Variants in PDE3B observed in about 807,000 individuals in gnomAD.
PDE3B encodes the protein cGMP-inhibited 3',5'-cyclic phosphodiesterase 3B.
PDE3B carries 66 observed loss-of-function variants against 116.8 expected under a neutral mutation model. The observed-to-expected ratio is 0.56, with a 90% CI of 0.46 to 0.69. PDE3B has a LOEUF of 0.69. Ranked by LOEUF, PDE3B falls within the 30% of genes least tolerant of loss-of-function variation. The probability of loss-of-function intolerance (pLI) is 0.00; values close to 1 mark genes in which losing one functional copy is unlikely to be tolerated. For missense variants in PDE3B, 1,384 were observed against 1,368.1 expected (o/e 1.01, Z -0.18); for synonymous variants, 595 against 533.6 (o/e 1.12, Z -1.59).
chr11:14,666,925 CATT>C (rs1405372643), intron 1 of PDE3B, among the ~76,000 whole-genome samples: 1 of 151,980 alleles, frequency 6.6e-6, no homozygotes, highest in Non-Finnish European at 1.5e-5. Context: ...CCAGCCATCC[CATT>C]ACTGGGTATA....
chr11:14,670,600 T>C (rs1854334039), intron 1 of PDE3B, among the ~76,000 whole-genome samples: 1 of 152,100 alleles, frequency 6.6e-6, no homozygotes, highest in Non-Finnish European at 1.5e-5. Flanking sequence ...ATGATTTACA[T>C]ACCAAGGGAA....
chr11:14,837,785 A>C (rs1473214139), intron 11 of PDE3B, among the ~76,000 whole-genome samples: 1 of 152,182 alleles, frequency 6.6e-6, no homozygotes, highest in African/African-American at 2.4e-5. Flanking sequence ...TTGGGAAACC[A>C]AATAGCTATT....
intron 1 of PDE3B, among the ~76,000 whole-genome samples, chr11:14,648,961 G>A (rs1853489905): frequency 1.3e-5 from 2 of 152,046 alleles, no homozygotes; most frequent in Admixed American, 1.3e-4. Context: ...TCAAATTTAT[G>A]TATAAGCTGA....
At chr11:14,891,512 C>T in the PDE3B span, 1 of 995,018 alleles carries the variant, frequency 1.0e-6, no homozygotes, top group African/African-American at 1.7e-5. Context: ...CGTTCGTCGA[C>T]TGCAGACACC....
At chr11:14,880,755 G>A in the PDE3B span, 3 of 1,607,452 alleles carry the variant, frequency 1.9e-6, no homozygotes, top group Non-Finnish European at 1.7e-6. Context: ...GGCCATATCT[G>A]GAATTGAGTA....
rs1012044431 is a variant in PDE3B, at chr11:14,840,946, T to C, written c.2321-2881T>C. Among the ~76,000 whole-genome samples the C allele has an allele frequency of 2.0e-5, 3 of 152,188 alleles. No individual in the cohort carries two copies. In the East Asian group the frequency reaches 5.8e-4, roughly 29 times the overall value. Reference sequence around the variant, plus strand: ...GTGGAAGGTGGATATTTGTTTGCGATGTGAATGCTTACTATGATGCTTAAT... The same window carrying C: ...GTGGAAGGTGGATATTTGTTTGCGACGTGAATGCTTACTATGATGCTTAAT... On this transcript the variant is annotated intron_variant, in intron 11 of 15. Transcript: ENST00000282096.
the PDE3B span, chr11:14,885,870 G>A: frequency 6.2e-7 from 1 of 1,613,488 alleles, no homozygotes; most frequent in Admixed American, 1.7e-5. Context: ...CTACATCATA[G>A]CCATTTAGAA....
chr11:14,838,170 G>A (rs1330960129), intron 11 of PDE3B, among the ~76,000 whole-genome samples: 3 of 151,820 alleles, frequency 2.0e-5, no homozygotes, highest in Non-Finnish European at 1.5e-5. Flanking sequence ...TAGTGGAGAC[G>A]GGTTTTCACC....
At chr11:14,781,015 A>T (rs1857979540) in intron 2 of PDE3B, among the ~76,000 whole-genome samples, 1 of 152,224 alleles carries the variant, frequency 6.6e-6, no homozygotes, top group African/African-American at 2.4e-5. Context: ...ACAAACTACC[A>T]TCTGAGAATA....
intron 1 of PDE3B, chr11:14,673,801 C>T: frequency 1.2e-6 from 1 of 852,346 alleles, no homozygotes; most frequent in Non-Finnish European, 2.1e-6. Flanking sequence ...GACATGGGTG[C>T]CTTGGGGTGA....
At chr11:14,673,761 C>G (rs527885638) in intron 1 of PDE3B, 1 of 778,096 alleles carries the variant, frequency 1.3e-6, no homozygotes, top group East Asian at 2.4e-5. Context: ...TACAAGTAAT[C>G]TCAGGAGATG....
intron 1 of PDE3B, among the ~76,000 whole-genome samples, chr11:14,653,230 A>T (rs1433585401): frequency 6.6e-6 from 1 of 152,128 alleles, no homozygotes; most frequent in South Asian, 2.1e-4. Flanking sequence ...CTGCATATGT[A>T]GACTCAGAAA....
chr11:14,806,028 T>C (rs1590160252), intron 5 of PDE3B, among the ~76,000 whole-genome samples: 2 of 152,180 alleles, frequency 1.3e-5, no homozygotes, highest in African/African-American at 2.4e-5. Context: ...ATAGGAAGGC[T>C]TTTACACAGT....
intron 15 of PDE3B, among the ~76,000 whole-genome samples, chr11:14,868,203 C>T (rs183155602): frequency 6.6e-6 from 1 of 152,300 alleles, no homozygotes; most frequent in African/African-American, 2.4e-5. Flanking sequence ...AAAGTAACAT[C>T]TCTTGAGGTG....
intron 1 of PDE3B, among the ~76,000 whole-genome samples, chr11:14,710,401 C>G (rs73412643): frequency 1.3e-5 from 2 of 152,038 alleles, no homozygotes; most frequent in East Asian, 3.8e-4. Flanking sequence ...CATCCCCTCC[C>G]ACCAACCACG....
At chr11:14,808,736 C>G (rs1354512739) in intron 5 of PDE3B, among the ~76,000 whole-genome samples, 1 of 151,972 alleles carries the variant, frequency 6.6e-6, no homozygotes, top group Non-Finnish European at 1.5e-5. Context: ...ATTAAGGAAT[C>G]CAAAACTCAA....
intron 1 of PDE3B, among the ~76,000 whole-genome samples, chr11:14,756,072 C>A (rs551942765): frequency 1.3e-5 from 2 of 152,160 alleles, no homozygotes; most frequent in South Asian, 4.2e-4. Context: ...AATTAAGAAT[C>A]CAAGGTTTAA....
chr11:14,714,031 T>TGTGGTA (rs1855792045), intron 1 of PDE3B, among the ~76,000 whole-genome samples: 2 of 152,076 alleles, frequency 1.3e-5, no homozygotes, highest in Non-Finnish European at 2.9e-5. Flanking sequence ...TTGGTGGTAG[T>TGTGGTA]GTGGTAGTGG....
intron 1 of PDE3B, among the ~76,000 whole-genome samples, chr11:14,703,468 C>T (rs1855433016): frequency 6.6e-6 from 1 of 150,866 alleles, no homozygotes; most frequent in Admixed American, 6.6e-5. Context: ...GGAGACTTGT[C>T]ACCACTCAGT....
Sources: allele counts gnomAD v4.1 joint callset (sites outside exome capture counted in the v4.1 genomes callset), GRCh38; gene constraint gnomAD v4.1.1; transcripts MANE v1.5; gene names NCBI Gene and HGNC (gene_info 2026-07-23, HGNC 2026-07-21).